The following ZNF492 variants were observed in gnomAD, a reference collection of about 807,000 sequenced individuals.
The protein encoded by ZNF492 is zinc finger protein 492, also known as zinc finger protein 115 (Y20).
ZNF492 carries 3 observed loss-of-function variants against 6.4 expected under a neutral mutation model. The ratio of observed to expected loss-of-function variants is 0.47; its 90% CI spans 0.21 to 1.22. The LOEUF is 1.22. Ranked by LOEUF, ZNF492 falls within the 50% of genes most tolerant of loss-of-function variation. The probability of loss-of-function intolerance (pLI) is 0.22; values close to 1 mark genes in which losing one functional copy is unlikely to be tolerated. For synonymous variants in ZNF492, 112 were observed against 205.3 expected (o/e 0.55, Z 3.89); for missense variants, 356 against 612.5 (o/e 0.58, Z 4.42).
intron 1 of ZNF492, among the ~76,000 whole-genome samples, chr19:22,648,530 A>G (rs1971907097): frequency 6.6e-6 from 1 of 152,152 alleles, no homozygotes; most frequent in African/African-American, 2.4e-5. Flanking sequence ...TGATCCGTCT[A>G]ATATTGACAG....
chr19:22,653,861 A>T, intron 2 of ZNF492, 59 bp from the exon 3 acceptor site: 1 of 1,513,266 alleles, frequency 6.6e-7, no homozygotes, highest in Non-Finnish European at 8.8e-7. Flanking sequence ...TTCTGAACAC[A>T]CTACTAAATT....
intron 1 of ZNF492, among the ~76,000 whole-genome samples, chr19:22,638,061 T>A (rs1272109609): frequency 2.6e-5 from 4 of 152,186 alleles, no homozygotes; most frequent in Admixed American, 6.5e-5. Context: ...ACTTTTTAGG[T>A]CTTTTTTTTC....
chr19:22,659,565 C>G (rs1250803521), intron 3 of ZNF492, among the ~76,000 whole-genome samples: 4 of 148,104 alleles, frequency 2.7e-5, no homozygotes, highest in Non-Finnish European at 5.9e-5. Context: ...GTGAGATACA[C>G]ACACACACAC....
intron 3 of ZNF492, among the ~76,000 whole-genome samples, chr19:22,661,904 C>A (rs1228248120): frequency 1.3e-5 from 2 of 152,092 alleles, no homozygotes; most frequent in African/African-American, 4.8e-5. Context: ...TCTTAATAAC[C>A]AATAATCACT....
At chr19:22,660,908 G>T (rs1972051900) in intron 3 of ZNF492, among the ~76,000 whole-genome samples, 1 of 142,332 alleles carries the variant, frequency 7.0e-6, no homozygotes, top group African/African-American at 2.7e-5. Context: ...TCCTCAACTT[G>T]ATAGCTTTTT....
intron 3 of ZNF492, among the ~76,000 whole-genome samples, chr19:22,663,116 G>A (rs1168889656): frequency 6.6e-6 from 1 of 152,016 alleles, no homozygotes; most frequent in Non-Finnish European, 1.5e-5. Context: ...TTTGTATAAG[G>A]TGTAAGGAAG....
intron 3 of ZNF492, among the ~76,000 whole-genome samples, chr19:22,655,765 T>C (rs570859339): frequency 1.3e-3 from 197 of 147,284 alleles, no homozygotes; most frequent in African/African-American, 4.6e-3. Context: ...AACTTTTGCA[T>C]TGGTGTCTGT....
At chr19:22,658,816 G>A (rs1274814280) in intron 3 of ZNF492, among the ~76,000 whole-genome samples, 1 of 143,198 alleles carries the variant, frequency 7.0e-6, no homozygotes, top group Non-Finnish European at 1.5e-5. Context: ...CTCTTCATGT[G>A]ACCATATATG....
chr19:22,634,802 C>T (rs1454148199), intron 1 of ZNF492, among the ~76,000 whole-genome samples: 5 of 152,044 alleles, frequency 3.3e-5, no homozygotes, highest in African/African-American at 1.2e-4. Flanking sequence ...AATCCTGACT[C>T]GGGGTGCGGG....
At position 22,634,433 on chromosome 19, in the gene ZNF492, T is replaced by G. The variant is rs547582278; in HGVS notation, c.-135T>G. The stretch of plus-strand genomic sequence containing the variant: ...CCTGTGACCTGCAGGTATTGGGAGA[T>G]CCACAGCTAAGACGCTAGGACCCCC... On this transcript the variant is annotated 5_prime_UTR_variant, in exon 1 of 4. Transcript: ENST00000456783. The G allele has an allele frequency of 2.9e-6, 4 of 1,385,152 alleles. No individual in the cohort carries two copies. Among genetic ancestry groups the G allele is most frequent in the African/African-American group, 1.5e-5 (1 of 68,210 alleles). 85.8% of individuals were successfully genotyped at this position (1,385,152 alleles called of 1,614,324 possible). A position where few individuals can be genotyped will look rare whatever the true frequency, so the allele number is the denominator to read the frequency against.
intron 3 of ZNF492, among the ~76,000 whole-genome samples, chr19:22,659,258 TAAA>T (rs1972029287): frequency 6.7e-6 from 1 of 150,286 alleles, no homozygotes; most frequent in South Asian, 2.1e-4. Flanking sequence ...ATTTCAGTTT[TAAA>T]AAAACTGGTA....
intron 1 of ZNF492, among the ~76,000 whole-genome samples, chr19:22,647,727 GTTTT>G (rs71180575): frequency 2.2e-5 from 2 of 92,574 alleles, no homozygotes; most frequent in Admixed American, 2.4e-4. Flanking sequence ...AGCTCTTTTA[GTTTT>G]TTTTTTTTTT....
At position 22,665,387 on chromosome 19, in the gene ZNF492, C is replaced by T. The variant is rs1972114223; in HGVS notation, c.*122C>T. The T allele has an allele frequency of 6.8e-7, 1 of 1,468,536 alleles. No individual in the cohort carries two copies. The highest frequency in any genetic ancestry group is 9.0e-7 in the Non-Finnish European group (1 of 1,110,700). 91.0% of individuals were successfully genotyped at this position (1,468,536 alleles called of 1,614,324 possible). ...ACAGTGTGGCAAAACTTACACAATG[C>T]TCAAACCTTATTGCACAGGAAAGCC... is the stretch of plus-strand genomic sequence containing the variant. On this transcript the variant is annotated 3_prime_UTR_variant, in exon 4 of 4. Coordinates refer to ENST00000456783, the MANE Select transcript of ZNF492 (RefSeq NM_020855.3).
chr19:22,650,795 GA>G (rs1971932044), intron 1 of ZNF492, among the ~76,000 whole-genome samples: 1 of 152,134 alleles, frequency 6.6e-6, no homozygotes, highest in Non-Finnish European at 1.5e-5. Context: ...GCATGGCCAG[GA>G]GCTATAGAGA....
chr19:22,661,759 G>A (rs1599402984), intron 3 of ZNF492, among the ~76,000 whole-genome samples: 3 of 152,004 alleles, frequency 2.0e-5, no homozygotes, highest in Non-Finnish European at 2.9e-5. Flanking sequence ...CCCATGCTCA[G>A]CTACTTTTGT....
intron 1 of ZNF492, among the ~76,000 whole-genome samples, chr19:22,634,937 TATA>T (rs1971745267): frequency 6.6e-6 from 1 of 152,140 alleles, no homozygotes; most frequent in African/African-American, 2.4e-5. Context: ...GTTCAAAAGT[TATA>T]GAGCACCCAG....
At chr19:22,662,941 A>T (rs1884855859) in intron 3 of ZNF492, among the ~76,000 whole-genome samples, 1 of 152,102 alleles carries the variant, frequency 6.6e-6, no homozygotes, top group Non-Finnish European at 1.5e-5. Flanking sequence ...TAGTTTAATT[A>T]GATCCCATTT....
chr19:22,658,452 A>G (rs1403830314), intron 3 of ZNF492, among the ~76,000 whole-genome samples: 2 of 150,270 alleles, frequency 1.3e-5, no homozygotes, highest in African/African-American at 5.0e-5. Flanking sequence ...GTATATTTAC[A>G]TTATTTTATA....
At chr19:22,652,882 A>G (rs1268649524) in intron 1 of ZNF492, among the ~76,000 whole-genome samples, 1 of 152,060 alleles carries the variant, frequency 6.6e-6, no homozygotes, top group Non-Finnish European at 1.5e-5. Flanking sequence ...CCCAGCCCAG[A>G]TTTTCTGAAA....
Sources: allele counts gnomAD v4.1 joint callset (sites outside exome capture counted in the v4.1 genomes callset), GRCh38; gene constraint gnomAD v4.1.1; transcripts MANE v1.5; gene names NCBI Gene and HGNC (gene_info 2026-07-23, HGNC 2026-07-21).